Variants in GPATCH2 observed in about 807,000 individuals in gnomAD.
GPATCH2 encodes G-patch domain containing 2.
Under a neutral mutation model 58.0 loss-of-function variants are expected in GPATCH2, and 51 were observed. The ratio of observed to expected loss-of-function variants is 0.88; its 90% CI spans 0.70 to 1.11. The LOEUF (loss-of-function observed/expected upper bound fraction) is 1.11. GPATCH2 is among the 50% of genes most tolerant of loss of function. The pLI is 0.00. For missense variants in GPATCH2, 625 were observed against 652.2 expected, an observed-to-expected ratio of 0.96 and a Z score of 0.45; for synonymous variants, 222 against 218.5, an observed-to-expected ratio of 1.02 and a Z score of -0.14.
Position 217,514,823 on chromosome 1 carries a change from C to T in GPATCH2, c.1165G>A (p.Asp389Asn). The T allele has an allele frequency of 6.9e-7, 1 of 1,445,722 alleles. No homozygotes were observed. Among genetic ancestry groups the T allele is most frequent in the Non-Finnish European group, 9.7e-7 (1 of 1,026,956 alleles). The allele number at this position is 1,445,722 out of a possible 1,614,324, so 89.6% of individuals were successfully genotyped here. A position where few individuals can be genotyped will look rare whatever the true frequency, so the allele number is the denominator to read the frequency against. Reference sequence around the variant, plus strand: ...TATATAAACACACTGAGTACTCACTCATGGTGATGAGAATCCGGGGAAAAA... The same window carrying T: ...TATATAAACACACTGAGTACTCACTTATGGTGATGAGAATCCGGGGAAAAA... ...VHFSPDSHHH[D>N]HWFSPGARTE... is the part of the protein sequence containing the mutation. Residue 389 changes from aspartate to asparagine, a missense_variant and splice_region_variant, in exon 6 of 10, where the codon GAC (aspartate) becomes AAC (asparagine). Coordinates refer to ENST00000366935, the MANE Select transcript of GPATCH2 (RefSeq NM_018040.5).
chr1:217,585,518 G>C (rs902145033), intron 5 of GPATCH2, among the ~76,000 whole-genome samples: 14 of 152,110 alleles, frequency 9.2e-5, no homozygotes, highest in African/African-American at 3.4e-4. Flanking sequence ...TACTCGGTAG[G>C]CTGAGGCAGG....
intron 6 of GPATCH2, among the ~76,000 whole-genome samples, chr1:217,499,873 T>C (rs1480635407): frequency 6.6e-6 from 1 of 152,140 alleles, no homozygotes; most frequent in Non-Finnish European, 1.5e-5. Flanking sequence ...GAGACACCAC[T>C]GTCAACTCTT....
intron 5 of GPATCH2, among the ~76,000 whole-genome samples, chr1:217,583,374 A>G (rs1208573740): frequency 1.3e-5 from 2 of 152,138 alleles, no homozygotes; most frequent in South Asian, 4.2e-4. Flanking sequence ...GTTTGAGACC[A>G]GCCTGGCAAA....
chr1:217,568,336 C>T (rs1372216899), intron 5 of GPATCH2, among the ~76,000 whole-genome samples: 1 of 152,132 alleles, frequency 6.6e-6, no homozygotes, highest in Non-Finnish European at 1.5e-5. Flanking sequence ...TGACCGAGTA[C>T]TATGTGTCAG....
At chr1:217,627,652 C>A (rs1255749607) in intron 1 of GPATCH2, among the ~76,000 whole-genome samples, 1 of 151,952 alleles carries the variant, frequency 6.6e-6, no homozygotes, top group African/African-American at 2.4e-5. Context: ...ACCATAGGAA[C>A]TTTCAGGAAG....
chr1:217,508,130 C>CA (rs1377883627), intron 6 of GPATCH2, among the ~76,000 whole-genome samples: 3 of 151,990 alleles, frequency 2.0e-5, no homozygotes, highest in Admixed American at 2.0e-4. Context: ...AAACTTAAGA[C>CA]ACGTAAGCTA....
At chr1:217,624,283 T>G (rs1669342504) in intron 1 of GPATCH2, among the ~76,000 whole-genome samples, 2 of 152,156 alleles carry the variant, frequency 1.3e-5, no homozygotes, top group Admixed American at 1.3e-4. Context: ...TTTGGGAGGC[T>G]GAGGCGGCAG....
At chr1:217,439,921 A>G (rs1020828757) in intron 9 of GPATCH2, among the ~76,000 whole-genome samples, 2 of 152,234 alleles carry the variant, frequency 1.3e-5, no homozygotes, top group African/African-American at 2.4e-5. Context: ...TTCACAGTCA[A>G]ATTCTACCAG....
intron 6 of GPATCH2, among the ~76,000 whole-genome samples, chr1:217,513,894 G>A (rs1248916484): frequency 3.3e-5 from 5 of 150,012 alleles, no homozygotes; most frequent in Non-Finnish European, 5.9e-5. Flanking sequence ...GAGCGATCTC[G>A]GCTCACTGTA....
At chr1:217,581,102 A>G (rs1418544553) in intron 5 of GPATCH2, among the ~76,000 whole-genome samples, 1 of 151,518 alleles carries the variant, frequency 6.6e-6, no homozygotes, top group Non-Finnish European at 1.5e-5. Flanking sequence ...AACAAGATCC[A>G]CTCCCACCAG....
chr1:217,451,740 G>A (rs1659674519), intron 8 of GPATCH2, among the ~76,000 whole-genome samples: 1 of 152,206 alleles, frequency 6.6e-6, no homozygotes, highest in Admixed American at 6.5e-5. Flanking sequence ...AGCTGAAGAG[G>A]AGGGGAAGGT....
chr1:217,562,041 C>T (rs1310048216), intron 5 of GPATCH2, among the ~76,000 whole-genome samples: 1 of 152,176 alleles, frequency 6.6e-6, no homozygotes, highest in South Asian at 2.1e-4. Context: ...CTTTCTACCA[C>T]CAAAGCCCCG....
chr1:217,491,679 C>A lies in GPATCH2; in HGVS notation c.1277+1G>T, dbSNP rs1661743067. On this transcript the variant is annotated splice_donor_variant, in intron 8 of 9. Transcript: ENST00000366935. LOFTEE classifies it high-confidence loss of function. ...ATAAAAAGCGATTTTGAATTGCTTA[C>A]CTGCTGGCTGTTCTCACAGAACAAT... is the stretch of plus-strand genomic sequence containing the variant. 7.0e-7 allele frequency: 1 copy of A among 1,425,634 alleles called. No individual in the cohort carries two copies. Among genetic ancestry groups the A allele is most frequent in the Admixed American group, 1.8e-5 (1 of 55,690 alleles). The allele number at this position is 1,425,634 out of a possible 1,614,324, so 88.3% of individuals were successfully genotyped here.
intron 2 of GPATCH2, among the ~76,000 whole-genome samples, chr1:217,616,001 CA>C (rs1298997576): frequency 6.6e-6 from 1 of 151,718 alleles, no homozygotes; most frequent in Non-Finnish European, 1.5e-5. Context: ...ATTCTGAAAC[CA>C]AAAAAGGACA....
At chr1:217,448,203 A>G (rs1218744575) in intron 9 of GPATCH2, among the ~76,000 whole-genome samples, 1 of 151,664 alleles carries the variant, frequency 6.6e-6, no homozygotes, top group South Asian at 2.1e-4. Flanking sequence ...ATACTTACAT[A>G]TATTTTTCTT....
At chr1:217,609,235 G>C (rs1211680378) in intron 5 of GPATCH2, 2 of 983,450 alleles carry the variant, frequency 2.0e-6, no homozygotes, top group East Asian at 2.3e-4. Context: ...ATGAGCTCAT[G>C]CAAGTATTTC....
Position 217,431,271 on chromosome 1 carries a change from T to C in GPATCH2, c.1461A>G (p.Gly487=). ...NMGWTPGSGL[G]RDGKGISEPI... ...GCTCAGAGATCCCCTTGCCATCTCG[T>C]CCAAGGCCTGACCCAGGCGTCCAGC... is the stretch of plus-strand genomic sequence containing the variant. Residue 487 remains glycine (G), a synonymous_variant, in exon 10 of 10, where the codon GGA becomes GGG. Coordinates refer to ENST00000366935, the MANE Select transcript of GPATCH2 (RefSeq NM_018040.5). The C allele has an allele frequency of 1.2e-6, 2 of 1,605,816 alleles. No homozygotes were observed. Among genetic ancestry groups the C allele is most frequent in the South Asian group, 1.1e-5 (1 of 90,908 alleles).
intron 5 of GPATCH2, among the ~76,000 whole-genome samples, chr1:217,531,292 T>C (rs1000575857): frequency 6.6e-6 from 1 of 152,250 alleles, no homozygotes; most frequent in African/African-American, 2.4e-5. Flanking sequence ...TTATTTACTA[T>C]TGTATTGCCA....
chr1:217,567,913 G>C (rs1423141060), intron 5 of GPATCH2, among the ~76,000 whole-genome samples: 1 of 152,116 alleles, frequency 6.6e-6, no homozygotes, highest in Non-Finnish European at 1.5e-5. Context: ...TCAGGAGATC[G>C]AGACTATCCT....
Sources: gnomAD v4.1 joint callset for allele counts (sites outside exome capture counted in the v4.1 genomes callset) on GRCh38, gnomAD v4.1.1 for gene constraint, MANE v1.5 for transcripts, NCBI Gene and HGNC (gene_info 2026-07-23, HGNC 2026-07-21) for gene names.